RNF180: variants seen among roughly 807,000 people sequenced by gnomAD.
RNF180 encodes the protein ring finger protein 180.
RNF180 carries 38 observed loss-of-function variants against 59.2 expected under a neutral mutation model. The observed-to-expected ratio is 0.64, with a 90% CI of 0.50 to 0.84. RNF180 has a LOEUF of 0.84. Ranked by LOEUF, RNF180 falls within the 40% of genes least tolerant of loss-of-function variation. RNF180 has a pLI of 0.00. For synonymous variants in RNF180, 262 were observed against 240.3 expected (o/e 1.09, Z -0.84); for missense variants, 705 against 700.9 (o/e 1.01, Z -0.07).
chr5:64,286,617 A>C (rs1304591022), intron 5 of RNF180, among the ~76,000 whole-genome samples: 1 of 152,268 alleles, frequency 6.6e-6, no homozygotes, highest in African/African-American at 2.4e-5. Context: ...TAAATCCTTC[A>C]ATCAGTTCTA....
intron 5 of RNF180, among the ~76,000 whole-genome samples, chr5:64,248,544 A>C (rs1182637875): frequency 6.6e-6 from 1 of 152,216 alleles, no homozygotes; most frequent in Admixed American, 6.5e-5. Context: ...TGCAAATCAA[A>C]ACCACAATGA....
At chr5:64,325,142 A>G (rs1461780826) in intron 5 of RNF180, 44 bp from the exon 6 acceptor site, 7 of 1,257,970 alleles carry the variant, frequency 5.6e-6, no homozygotes, top group Non-Finnish European at 7.9e-6. Context: ...TAAGGAAACC[A>G]ATCTCATACT....
intron 5 of RNF180, among the ~76,000 whole-genome samples, chr5:64,281,836 G>A (rs996426073): frequency 2.0e-5 from 3 of 152,126 alleles, no homozygotes; most frequent in African/African-American, 7.2e-5. Flanking sequence ...TTTATCAAAA[G>A]CCTTTTCTGC....
At chr5:64,272,077 C>T (rs1580155844) in intron 5 of RNF180, among the ~76,000 whole-genome samples, 1 of 152,032 alleles carries the variant, frequency 6.6e-6, no homozygotes, top group African/African-American at 2.4e-5. Context: ...TGAATGGCTA[C>T]TACATAATAG....
At chr5:64,200,730 T>G (rs1751698545) in intron 1 of RNF180, 78 bp from the exon 2 acceptor site, 2 of 1,231,416 alleles carry the variant, frequency 1.6e-6, no homozygotes, top group African/African-American at 3.0e-5. Context: ...CACTTGTAGC[T>G]AATGCCATGT....
At chr5:64,224,929 G>A (rs1364764069) in intron 5 of RNF180, among the ~76,000 whole-genome samples, 1 of 152,202 alleles carries the variant, frequency 6.6e-6, no homozygotes, top group African/African-American at 2.4e-5. Context: ...TGAGGATGCA[G>A]CAAGGAGGCC....
At chr5:64,251,610 G>T (rs1039003830) in intron 5 of RNF180, among the ~76,000 whole-genome samples, 2 of 151,952 alleles carry the variant, frequency 1.3e-5, no homozygotes, top group African/African-American at 2.4e-5. Context: ...TTTTTATATT[G>T]TAGGCATAGG....
intron 7 of RNF180, among the ~76,000 whole-genome samples, chr5:64,332,836 G>A (rs185786744): frequency 1.3e-5 from 2 of 152,274 alleles, no homozygotes; most frequent in East Asian, 3.9e-4. Flanking sequence ...TCAGGGAACA[G>A]GAGGAACTTC....
chr5:64,252,350 T>C (rs1174706691), intron 5 of RNF180, among the ~76,000 whole-genome samples: 1 of 152,126 alleles, frequency 6.6e-6, no homozygotes, highest in Non-Finnish European at 1.5e-5. Flanking sequence ...TAGGAGAAAT[T>C]AGTTTAAAAG....
At chr5:64,221,137 T>C (rs994722736) in intron 5 of RNF180, among the ~76,000 whole-genome samples, 1 of 152,184 alleles carries the variant, frequency 6.6e-6, no homozygotes, top group East Asian at 1.9e-4. Context: ...TAAAATCTTA[T>C]ACAAATCACA....
rs148474555 is a variant in RNF180, at chr5:64,269,846, G to A, written c.1227+52450G>A. Among the ~76,000 whole-genome samples the A allele has an allele frequency of 3.4e-3, 517 of 152,144 alleles. 6 individuals are homozygous for A. Among genetic ancestry groups the A allele is most frequent in the African/African-American group, 0.012 (491 of 41,514 alleles). On this transcript the variant is annotated intron_variant, in intron 5 of 7. Coordinates refer to ENST00000389100, the MANE Select transcript of RNF180 (RefSeq NM_001113561.2). ...TGGCATGTATTTGAAATTTTGGCAC[G>A]TATTTAAAACTTTAGTTCGGAACTT...
At chr5:64,342,961 A>G (rs750331955) in intron 7 of RNF180, among the ~76,000 whole-genome samples, 75 of 152,074 alleles carry the variant, frequency 4.9e-4, no homozygotes, top group Non-Finnish European at 9.0e-4. Context: ...TTCAAACCCA[A>G]CCCTGCTTAT....
intron 3 of RNF180, among the ~76,000 whole-genome samples, chr5:64,213,327 T>G (rs1752407856): frequency 6.6e-6 from 1 of 152,198 alleles, no homozygotes; most frequent in African/African-American, 2.4e-5. Flanking sequence ...GAATATTGTT[T>G]GGATGGGCAT....
In RNF180 at chr5:64,334,684, T is replaced by C. The variant is rs146706935; in HGVS notation, c.1579+4278T>C. On this transcript the variant is annotated intron_variant, in intron 7 of 7. Transcript: ENST00000389100. ...TATAATGGTAGCAATGTATATATTC[T>C]GCTTTGCTTTGTCATTCAATATTTT... Among the ~76,000 whole-genome samples, 1,211 of 152,334 alleles carry C rather than the reference T, an allele frequency of 7.9e-3. 12 individuals carry two copies. Among genetic ancestry groups the C allele is most frequent in the Middle Eastern group, 0.031 (9 of 294 alleles).
At chr5:64,196,938 T>C (rs183401342) in intron 1 of RNF180, among the ~76,000 whole-genome samples, 29 of 152,302 alleles carry the variant, frequency 1.9e-4, no homozygotes, top group African/African-American at 6.7e-4. Flanking sequence ...TGTTTCAATT[T>C]TAAAAATCGT....
At chr5:64,316,218 TATTATG>T (rs1487056953) in intron 5 of RNF180, among the ~76,000 whole-genome samples, 3 of 152,208 alleles carry the variant, frequency 2.0e-5, no homozygotes, top group African/African-American at 7.2e-5. Flanking sequence ...CTTTTAGTAT[TATTATG>T]AGAATACTTT....
chr5:64,362,066 AAATTT>A (rs1308271735), intron 7 of RNF180, among the ~76,000 whole-genome samples: 6 of 151,086 alleles, frequency 4.0e-5, no homozygotes, highest in Admixed American at 6.6e-5. Context: ...AATTAAACTT[AAATTT>A]AATTTATTGA....
chr5:64,171,229 C>G (rs1055927273), intron 1 of RNF180, among the ~76,000 whole-genome samples: 6 of 152,096 alleles, frequency 3.9e-5, no homozygotes, highest in Non-Finnish European at 8.8e-5. Flanking sequence ...TACCAGAGGA[C>G]TGAGGGGGAT....
chr5:64,242,278 C>G (rs191595790), intron 5 of RNF180, among the ~76,000 whole-genome samples: 2 of 152,186 alleles, frequency 1.3e-5, no homozygotes, highest in East Asian at 3.9e-4. Context: ...TCTGTGAAGA[C>G]TGGAATAAGT....
Sources: gnomAD v4.1 joint callset for allele counts (sites outside exome capture counted in the v4.1 genomes callset) on GRCh38, gnomAD v4.1.1 for gene constraint, MANE v1.5 for transcripts, NCBI Gene and HGNC (gene_info 2026-07-23, HGNC 2026-07-21) for gene names.